RUNX2: variants seen among roughly 807,000 people sequenced by gnomAD.
RUNX2 encodes RUNX family transcription factor 2.
A neutral mutation model predicts 51.7 loss-of-function variants in RUNX2; 10 were observed. The ratio of observed to expected loss-of-function variants is 0.19; its 90% CI spans 0.12 to 0.33. The LOEUF (loss-of-function observed/expected upper bound fraction) is 0.33. RUNX2 is among the 10% of genes least tolerant of loss of function. The probability of loss-of-function intolerance (pLI) is 1.00; values close to 1 mark genes in which losing one functional copy is unlikely to be tolerated. For missense variants in RUNX2, 562 were observed against 691.3 expected, an observed-to-expected ratio of 0.81 and a Z score of 2.10; for synonymous variants, 276 against 273.6, an observed-to-expected ratio of 1.01 and a Z score of -0.09.
intron 6 of RUNX2, among the ~76,000 whole-genome samples, chr6:45,502,365 A>G (rs904629531): frequency 3.9e-5 from 6 of 152,174 alleles, no homozygotes; most frequent in African/African-American, 1.4e-4. Context: ...TCTAACTTTC[A>G]TTAATAAAAA....
intron 7 of RUNX2, among the ~76,000 whole-genome samples, chr6:45,528,857 C>T (rs1222055616): frequency 6.6e-6 from 1 of 152,216 alleles, no homozygotes; most frequent in Non-Finnish European, 1.5e-5. Context: ...GGAGTCAGTA[C>T]CCAAACAGCT....
intron 2 of RUNX2, among the ~76,000 whole-genome samples, chr6:45,380,589 T>A (rs1281476024): frequency 6.6e-6 from 1 of 152,148 alleles, no homozygotes; most frequent in Non-Finnish European, 1.5e-5. Flanking sequence ...TTTATTATTA[T>A]TTTTTGAGAC....
chr6:45,442,550 A>G (rs1798871632), intron 5 of RUNX2, among the ~76,000 whole-genome samples: 1 of 152,228 alleles, frequency 6.6e-6, no homozygotes, highest in African/African-American at 2.4e-5. Context: ...GTTAGGGAAG[A>G]GGACTGATGG....
intron 5 of RUNX2, among the ~76,000 whole-genome samples, chr6:45,450,093 T>C (rs1311788700): frequency 1.3e-5 from 2 of 152,186 alleles, no homozygotes; most frequent in East Asian, 3.9e-4. Context: ...TGCTACAGAA[T>C]GGCATGACCA....
intron 5 of RUNX2, among the ~76,000 whole-genome samples, chr6:45,484,550 A>G (rs1800211785): frequency 1.3e-5 from 2 of 152,184 alleles, no homozygotes; most frequent in Non-Finnish European, 1.5e-5. Context: ...AGAAAATCAA[A>G]GTTTTTAAAT....
chr6:45,335,573 A>G (rs1413333205), intron 2 of RUNX2, among the ~76,000 whole-genome samples: 1 of 151,348 alleles, frequency 6.6e-6, no homozygotes, highest in African/African-American at 2.4e-5. Flanking sequence ...CAGATTACAG[A>G]TATCTGTAAC....
rs559577172 is a variant in RUNX2 at position 45,478,807 on chromosome 6, C to T, written c.686-13134C>T. Among the ~76,000 whole-genome samples, 17 of 152,310 alleles carry T rather than the reference C, an allele frequency of 1.1e-4. 1 individual carries two copies. Among genetic ancestry groups the T allele is most frequent in the Middle Eastern group, 6.8e-3 (2 of 294 alleles). ...TTGCTATTAGTAGCAGAACCCATGT[C>T]TCCTTTCAGTCACATGTTCTCTTTC... On this transcript the variant is annotated intron_variant, in intron 5 of 8. Coordinates refer to ENST00000647337, the MANE Select transcript of RUNX2 (RefSeq NM_001024630.4).
At chr6:45,388,828 TA>T (rs76050609) in intron 2 of RUNX2, among the ~76,000 whole-genome samples, 3,121 of 152,140 alleles carry the variant, frequency 0.021, 58 homozygotes, top group South Asian at 0.084. Flanking sequence ...GCAAATACTA[TA>T]AAAAAAATCT....
chr6:45,489,996 G>C (rs1441657458), intron 5 of RUNX2, among the ~76,000 whole-genome samples: 1 of 152,210 alleles, frequency 6.6e-6, no homozygotes, highest in Non-Finnish European at 1.5e-5. Context: ...GCTGGAAGAG[G>C]AAGGGAAGAG....
chr6:45,467,714 A>C (rs1799675100), intron 5 of RUNX2, among the ~76,000 whole-genome samples: 1 of 152,136 alleles, frequency 6.6e-6, no homozygotes, highest in Admixed American at 6.5e-5. Flanking sequence ...TGCTCATCAA[A>C]GACACTATCA....
chr6:45,442,371 A>C (rs979453997), intron 5 of RUNX2, among the ~76,000 whole-genome samples: 19 of 152,220 alleles, frequency 1.2e-4, no homozygotes, highest in African/African-American at 4.6e-4. Flanking sequence ...GTGTAGCAGC[A>C]GCAGCAATAG....
intron 4 of RUNX2, among the ~76,000 whole-genome samples, chr6:45,437,514 T>C (rs1798716839): frequency 6.6e-6 from 1 of 152,124 alleles, no homozygotes; most frequent in Non-Finnish European, 1.5e-5. Flanking sequence ...GTGAAGTAAA[T>C]AACATAATCA....
chr6:45,391,459 C>A (rs2150347159), intron 2 of RUNX2, among the ~76,000 whole-genome samples: 1 of 152,286 alleles, frequency 6.6e-6, no homozygotes, highest in African/African-American at 2.4e-5. Context: ...GAACCATGAA[C>A]CAATTAAACC....
At chr6:45,481,361 T>A (rs1190076129) in intron 5 of RUNX2, among the ~76,000 whole-genome samples, 4 of 152,172 alleles carry the variant, frequency 2.6e-5, no homozygotes, top group Admixed American at 2.6e-4. Context: ...ATGTTACCGC[T>A]AAAAAAATCT....
chr6:45,545,200 T>C lies in RUNX2; in HGVS notation c.1022-17T>C. The C allele has an allele frequency of 1.3e-6, 2 of 1,533,762 alleles. No individual in the cohort carries two copies. Among genetic ancestry groups the C allele is most frequent in the Non-Finnish European group, 1.8e-6 (2 of 1,134,758 alleles). Reference sequence around the variant, plus strand: ...GAGCTGGAAGGGAACTTAGAGCTCATCCCCCTCATTTTACAGATGATGACA... The same window carrying C: ...GAGCTGGAAGGGAACTTAGAGCTCACCCCCCTCATTTTACAGATGATGACA... On this transcript the variant is annotated splice_polypyrimidine_tract_variant and intron_variant, in intron 7 of 8. Transcript: ENST00000647337.
chr6:45,490,643 C>T (rs78183885), intron 5 of RUNX2, among the ~76,000 whole-genome samples: 1,784 of 152,276 alleles, frequency 0.012, 39 homozygotes, highest in African/African-American at 0.04. Context: ...GAAGCTAAGG[C>T]GTTTGCGCTA....
Position 45,422,609 on chromosome 6 carries a change from G to T in RUNX2, c.75G>T (p.Arg25=). The T allele has an allele frequency of 6.2e-7, 1 of 1,605,768 alleles. No individual in the cohort carries two copies. The highest frequency in any genetic ancestry group is 8.5e-7 in the Non-Finnish European group (1 of 1,177,006). Residue 25 remains arginine (R), a synonymous_variant, in exon 3 of 9, where the codon CGG becomes CGT. Coordinates refer to ENST00000647337, the MANE Select transcript of RUNX2 (RefSeq NM_001024630.4). ...TTCCCGTAGATCCGAGCACCAGCCG[G>T]CGCTTCAGCCCCCCCTCCAGCAGCC... ...QNFFWDPSTS[R]RFSPPSSSLQ... is the part of the protein sequence containing the mutation.
intron 2 of RUNX2, among the ~76,000 whole-genome samples, chr6:45,374,478 G>A (rs1034492791): frequency 1.1e-4 from 17 of 152,278 alleles, no homozygotes; most frequent in African/African-American, 4.1e-4. Flanking sequence ...AAGCAGCAGA[G>A]CGAGAACTCA....
At chr6:45,449,789 A>C (rs561879987) in intron 5 of RUNX2, among the ~76,000 whole-genome samples, 1 of 152,358 alleles carries the variant, frequency 6.6e-6, no homozygotes, top group East Asian at 1.9e-4. Context: ...AGATGAAAAT[A>C]ATACATTGTA....
Sources: allele counts gnomAD v4.1 joint callset (sites outside exome capture counted in the v4.1 genomes callset), GRCh38; gene constraint gnomAD v4.1.1; transcripts MANE v1.5; gene names NCBI Gene and HGNC (gene_info 2026-07-23, HGNC 2026-07-21).